The following ACCSL variants were observed in gnomAD, a reference collection of about 807,000 sequenced individuals.
ACCSL encodes 1-aminocyclopropane-1-carboxylate synthase homolog (inactive) like.
A neutral mutation model predicts 61.7 loss-of-function variants in ACCSL; 55 were observed. The observed-to-expected ratio is 0.89, with a 90% CI of 0.72 to 1.12. The LOEUF (loss-of-function observed/expected upper bound fraction) is 1.12. Among genes scored for constraint, ACCSL ranks in the 50% most tolerant of loss-of-function variants. The pLI, the probability that ACCSL is intolerant of heterozygous loss-of-function variation, is 0.00. For synonymous variants in ACCSL, 258 were observed against 264.3 expected (o/e 0.98, Z 0.23); for missense variants, 632 against 698.0 (o/e 0.91, Z 1.07).
the ACCSL span, chr11:43,943,630 G>T: frequency 1.5e-6 from 2 of 1,306,030 alleles, no homozygotes; most frequent in Non-Finnish European, 2.0e-6. The surrounding 1 kb of genome is among the most constrained non-coding windows in gnomAD (Gnocchi z 4.8). Context: ...CTCCGATTTT[G>T]CACACCGCTC....
chr11:43,945,086 C>A, the ACCSL span: 5 of 152,506 alleles, frequency 3.3e-5, no homozygotes, highest in East Asian at 7.7e-4. Flanking sequence ...GGGTGTTCTT[C>A]CCTCGGCTCA....
chr11:44,001,815 GT>G, the ACCSL span, among the ~76,000 whole-genome samples: 5 of 144,954 alleles, frequency 3.4e-5, no homozygotes, highest in African/African-American at 1.3e-4. Flanking sequence ...GTGTGTGTGT[GT>G]GTGTGTGTGT....
At chr11:43,943,370 C>G in the ACCSL span, 1 of 1,389,064 alleles carries the variant, frequency 7.2e-7, no homozygotes, top group Non-Finnish European at 9.3e-7. This position sits in a 1 kb window ranked among gnomAD's most constrained non-coding sequence, Gnocchi z 4.8. Context: ...CCGGGGGACC[C>G]GCAAGGACCC....
chr11:44,019,747 T>A, the ACCSL span, among the ~76,000 whole-genome samples: 1,093 of 152,364 alleles, frequency 7.2e-3, 2 homozygotes, highest in Non-Finnish European at 0.011. Context: ...AAGTTTCTAG[T>A]GTTGATGAAG....
chr11:43,941,424 C>T, the ACCSL span, among the ~76,000 whole-genome samples: 2 of 152,336 alleles, frequency 1.3e-5, no homozygotes, highest in Non-Finnish European at 2.9e-5. Context: ...TGAGTGGATA[C>T]GGAAAGGACG....
chr11:43,922,044 A>C, the ACCSL span, among the ~76,000 whole-genome samples: 2 of 152,216 alleles, frequency 1.3e-5, no homozygotes, highest in African/African-American at 4.8e-5. Context: ...ACTAGGAATT[A>C]GAGGTGAAGC....
At chr11:43,937,586 TTC>T in the ACCSL span, among the ~76,000 whole-genome samples, 2 of 152,208 alleles carry the variant, frequency 1.3e-5, no homozygotes, top group South Asian at 4.1e-4. Flanking sequence ...TGAACACTGC[TTC>T]TCTGAGTCCT....
the ACCSL span, among the ~76,000 whole-genome samples, chr11:43,990,022 A>T: frequency 6.6e-6 from 1 of 152,030 alleles, no homozygotes; most frequent in Non-Finnish European, 1.5e-5. Context: ...GCCACCCATG[A>T]TTCCTCCCTC....
At chr11:43,980,020 A>C in the ACCSL span, among the ~76,000 whole-genome samples, 1 of 152,282 alleles carries the variant, frequency 6.6e-6, no homozygotes, top group Non-Finnish European at 1.5e-5. Flanking sequence ...ATTTACAAGG[A>C]TATATAAAAA....
the ACCSL span, among the ~76,000 whole-genome samples, chr11:43,956,635 G>T: frequency 6.6e-6 from 1 of 152,140 alleles, no homozygotes; most frequent in Non-Finnish European, 1.5e-5. Flanking sequence ...TAGCCAGGCT[G>T]GTCTCAATCT....
the ACCSL span, among the ~76,000 whole-genome samples, chr11:43,960,871 T>C: frequency 6.6e-6 from 1 of 152,170 alleles, no homozygotes; most frequent in Admixed American, 6.5e-5. Context: ...CAGGCTGGAG[T>C]GCAGAGGCAC....
chr11:43,972,006 A>G, the ACCSL span, among the ~76,000 whole-genome samples: 1 of 152,212 alleles, frequency 6.6e-6, no homozygotes, highest in Non-Finnish European at 1.5e-5. Flanking sequence ...CTACCCTGAT[A>G]GACTCTGAGC....
the ACCSL span, among the ~76,000 whole-genome samples, chr11:44,007,324 C>T: frequency 1.4e-4 from 21 of 152,188 alleles, no homozygotes; most frequent in Non-Finnish European, 2.9e-4. Flanking sequence ...GCCCCCTTCC[C>T]AGCCAGACAT....
At chr11:44,042,688 G>A in the ACCSL span, among the ~76,000 whole-genome samples, 1 of 150,686 alleles carries the variant, frequency 6.6e-6, no homozygotes, top group Non-Finnish European at 1.5e-5. Flanking sequence ...TTTGGAACTA[G>A]CTCACTTTTT....
At chr11:43,933,958 A>G in the ACCSL span, among the ~76,000 whole-genome samples, 1 of 152,144 alleles carries the variant, frequency 6.6e-6, no homozygotes, top group African/African-American at 2.4e-5. Flanking sequence ...TGAGGCTCAG[A>G]TTACACAGTG....
the ACCSL span, among the ~76,000 whole-genome samples, chr11:44,010,608 C>G: frequency 2.6e-5 from 4 of 152,220 alleles, no homozygotes; most frequent in Non-Finnish European, 5.9e-5. Flanking sequence ...GCTATGTTCA[C>G]ATTTTCCCAC....
the ACCSL span, among the ~76,000 whole-genome samples, chr11:44,018,385 G>A: frequency 1.4e-4 from 21 of 151,916 alleles, no homozygotes; most frequent in African/African-American, 4.8e-4. Flanking sequence ...GCCCCAACTC[G>A]CCCCAGCCCC....
the ACCSL span, among the ~76,000 whole-genome samples, chr11:43,996,900 C>T: frequency 5.9e-5 from 9 of 151,570 alleles, no homozygotes; most frequent in South Asian, 1.7e-3. Context: ...GCAACCTCCA[C>T]CTCCTGGGTT....
At chr11:44,017,826 GGAGAGA>G in the ACCSL span, among the ~76,000 whole-genome samples, 5 of 150,734 alleles carry the variant, frequency 3.3e-5, no homozygotes, top group Admixed American at 2.0e-4. Flanking sequence ...ACTGACCCTG[GGAGAGA>G]GAGAGAGAGA....
Sources: allele counts gnomAD v4.1 joint callset (sites outside exome capture counted in the v4.1 genomes callset), GRCh38; gene constraint gnomAD v4.1.1; non-coding constraint Gnocchi (gnomAD v3.1); transcripts MANE v1.5; gene names NCBI Gene and HGNC (gene_info 2026-07-23, HGNC 2026-07-21).